ANO3: variants seen among roughly 807,000 people sequenced by gnomAD.
The protein encoded by ANO3 is anoctamin-3.
ANO3 carries 99 observed loss-of-function variants against 144.8 expected under a neutral mutation model. That is an observed-to-expected ratio of 0.68 (90% CI 0.58 to 0.81). The LOEUF is 0.81. Ranked by LOEUF, ANO3 falls within the 30% of genes least tolerant of loss-of-function variation. The pLI, the probability that ANO3 is intolerant of heterozygous loss-of-function variation, is 0.00. For missense variants in ANO3, 905 were observed against 1,202.2 expected (o/e 0.75, Z 3.66); for synonymous variants, 414 against 392.6 (o/e 1.05, Z -0.64).
intron 3 of ANO3, among the ~76,000 whole-genome samples, chr11:26,448,115 C>A (rs934469743): frequency 1.6e-4 from 24 of 152,088 alleles, no homozygotes; most frequent in African/African-American, 5.5e-4. Context: ...GCCTGACCAA[C>A]ATGGAGAAAC....
chr11:26,421,841 A>G (rs919074944), intron 1 of ANO3, among the ~76,000 whole-genome samples: 1 of 152,140 alleles, frequency 6.6e-6, no homozygotes, highest in African/African-American at 2.4e-5. Context: ...AAACTAACAC[A>G]GGAACAGAAA....
intron 5 of ANO3, among the ~76,000 whole-genome samples, chr11:26,511,015 C>A (rs150778926): frequency 1.1e-3 from 169 of 152,302 alleles, no homozygotes; most frequent in African/African-American, 4.0e-3. Flanking sequence ...GGTTCTCATC[C>A]ACAATTACAG....
At chr11:26,520,294 A>G (rs1646939381) in intron 6 of ANO3, among the ~76,000 whole-genome samples, 1 of 152,188 alleles carries the variant, frequency 6.6e-6, no homozygotes, top group African/African-American at 2.4e-5. Context: ...TCATTTTTAA[A>G]AAAACTATAT....
chr11:26,417,245 G>A (rs1857617215), intron 1 of ANO3, among the ~76,000 whole-genome samples: 2 of 152,042 alleles, frequency 1.3e-5, no homozygotes, highest in East Asian at 1.9e-4. Context: ...TGTGTTTTCA[G>A]TAACATTATT....
rs1388971871 is a variant in ANO3, at chr11:26,661,092, A to C, written c.*648A>C. 6.6e-6 allele frequency: 1 copy of C among 152,610 alleles called. No homozygotes were observed. The highest frequency in any genetic ancestry group is 1.5e-5 in the Non-Finnish European group (1 of 68,028). The allele number at this position is 152,610 out of a possible 1,614,324, so 9.5% of individuals were successfully genotyped here. A position where few individuals can be genotyped will look rare whatever the true frequency, so the allele number is the denominator to read the frequency against. On this transcript the variant is annotated 3_prime_UTR_variant, in exon 27 of 27. Coordinates refer to ENST00000256737, the MANE Select transcript of ANO3 (RefSeq NM_031418.4). ...ACCAAAAATCTAAGATTCCAAAAAGAACAGCATTCATTGAAATAATATTCC... is the reference window on the plus strand; with the variant it reads ...ACCAAAAATCTAAGATTCCAAAAAGCACAGCATTCATTGAAATAATATTCC...
At chr11:26,395,441 C>G (rs1388535856) in intron 1 of ANO3, among the ~76,000 whole-genome samples, 1 of 152,128 alleles carries the variant, frequency 6.6e-6, no homozygotes, top group African/African-American at 2.4e-5. Flanking sequence ...TTTGTGTTCT[C>G]TCTTATTTCC....
At chr11:26,407,670 A>G (rs1363086026) in intron 1 of ANO3, among the ~76,000 whole-genome samples, 1 of 151,812 alleles carries the variant, frequency 6.6e-6, no homozygotes, top group Non-Finnish European at 1.5e-5. Flanking sequence ...CGATACCCTT[A>G]AATACGAATT....
chr11:26,229,666 C>T (rs1852346921), intron 1 of ANO3, among the ~76,000 whole-genome samples: 1 of 151,980 alleles, frequency 6.6e-6, no homozygotes, highest in Non-Finnish European at 1.5e-5. Context: ...TGAACCATTG[C>T]TTCTTCATCA....
At chr11:26,405,341 AT>A (rs1346785309) in intron 1 of ANO3, among the ~76,000 whole-genome samples, 1 of 151,766 alleles carries the variant, frequency 6.6e-6, no homozygotes, top group African/African-American at 2.4e-5. Context: ...CATCTCACAA[AT>A]TTCATTCTTG....
chr11:26,291,083 CTGGGTGCTCCTGTAT>C (rs1427842556), intron 1 of ANO3, among the ~76,000 whole-genome samples: 2 of 152,164 alleles, frequency 1.3e-5, no homozygotes, highest in African/African-American at 4.8e-5. Flanking sequence ...CTTTATGAAT[CTGGGTGCTCCTGTAT>C]TGGGTGCATA....
chr11:26,266,804 G>A (rs1240259340), intron 1 of ANO3, among the ~76,000 whole-genome samples: 2 of 151,526 alleles, frequency 1.3e-5, no homozygotes, highest in South Asian at 2.1e-4. Context: ...ACTTTCAGCC[G>A]GGTGTGGTGG....
chr11:26,500,540 A>G (rs1227637566), intron 4 of ANO3, among the ~76,000 whole-genome samples: 1 of 152,076 alleles, frequency 6.6e-6, no homozygotes, highest in African/African-American at 2.4e-5. Flanking sequence ...GTGTTTCTCT[A>G]ATAACTATAA....
intron 24 of ANO3, among the ~76,000 whole-genome samples, chr11:26,649,745 A>AT (rs893453161): frequency 1.8e-4 from 26 of 145,732 alleles, no homozygotes; most frequent in Admixed American, 1.5e-3. Flanking sequence ...TCAAAAAAAA[A>AT]ATATATATTC....
At chr11:26,614,951 G>T (rs2132978954) in intron 17 of ANO3, among the ~76,000 whole-genome samples, 1 of 151,982 alleles carries the variant, frequency 6.6e-6, no homozygotes, top group African/African-American at 2.4e-5. Context: ...ACGAGTGCCA[G>T]GTAACCGTAG....
chr11:26,564,720 CACACACACACACATATAT>C (rs1477689841), intron 14 of ANO3, among the ~76,000 whole-genome samples: 67 of 75,528 alleles, frequency 8.9e-4, no homozygotes, highest in Non-Finnish European at 1.3e-3. Context: ...CACACACACA[CACACACACACACATATAT>C]ATATATATAT....
intron 9 of ANO3, among the ~76,000 whole-genome samples, chr11:26,534,779 T>G (rs1353872471): frequency 6.6e-6 from 1 of 152,148 alleles, no homozygotes. Flanking sequence ...AAACGTGAAA[T>G]GTGAAAACAC....
rs1483551636 is a variant in ANO3 at position 26,250,019 on chromosome 11, C to A, written c.155-59626C>A. Among the ~76,000 whole-genome samples the A allele has an allele frequency of 2.0e-5, 3 of 152,088 alleles. No homozygotes were observed. In the East Asian group the frequency reaches 5.8e-4, roughly 29 times the overall value. On this transcript the variant is annotated intron_variant, in intron 1 of 27. Transcript: ENST00000672621. ...GTTGTTATTTCTAATGGGAAGTGGC[C>A]CACATCACTGTCCCTGTCGCTTCCA...
In ANO3 at chr11:26,606,436, A is replaced by G. The variant is rs773428305; in HGVS notation, c.1836+6722A>G. 4.5e-4 allele frequency among the ~76,000 whole-genome samples: 68 copies of G among 152,282 alleles called. No homozygotes were observed. The Middle Eastern group carries it at 0.014, about 30-fold the overall frequency. The stretch of plus-strand genomic sequence containing the variant: ...GGGGTGGAGAGTTCTGTTGATGTCT[A>G]TTAGATCTGCATGGTCCAGAGCTGA... On this transcript the variant is annotated intron_variant, in intron 17 of 26. Transcript: ENST00000256737.
intron 1 of ANO3, among the ~76,000 whole-genome samples, chr11:26,206,270 A>C (rs1406168348): frequency 2.0e-5 from 3 of 152,214 alleles, no homozygotes; most frequent in Admixed American, 1.3e-4. Flanking sequence ...ATCTCCAAAC[A>C]TGAGTTAATC....
Sources: gnomAD v4.1 joint callset for allele counts (sites outside exome capture counted in the v4.1 genomes callset) on GRCh38, gnomAD v4.1.1 for gene constraint, MANE v1.5 for transcripts, NCBI Gene and HGNC (gene_info 2026-07-23, HGNC 2026-07-21) for gene names.